Variants in CTSB observed in about 807,000 individuals in gnomAD.
CTSB encodes the protein APP secretase.
In CTSB, 57 loss-of-function variants were observed where a neutral mutation model predicts 44.3. The ratio of observed to expected loss-of-function variants is 1.29; its 90% CI spans 1.04 to 1.60. The LOEUF (loss-of-function observed/expected upper bound fraction) is 1.60. CTSB is among the 40% of genes most tolerant of loss of function. The probability of loss-of-function intolerance (pLI) is 0.00; values close to 1 mark genes in which losing one functional copy is unlikely to be tolerated. For missense variants in CTSB, 768 were observed against 443.0 expected (o/e 1.73, Z -6.59); for synonymous variants, 320 against 168.0 (o/e 1.91, Z -7.00).
intron 4 of CTSB, among the ~76,000 whole-genome samples, chr8:11,850,316 G>A (rs948007052): frequency 6.7e-6 from 1 of 149,168 alleles, no homozygotes; most frequent in Non-Finnish European, 1.5e-5. Context: ...CTACTGGGGA[G>A]ACTGAGGCAG....
intron 3 of CTSB, 134 bp from the exon 4 acceptor site, chr8:11,851,114 A>G: frequency 2.1e-6 from 1 of 472,180 alleles, no homozygotes; most frequent in Non-Finnish European, 4.0e-6. Flanking sequence ...AAGGCTGCAG[A>G]CAGGTGTCCT....
Position 11,845,772 on chromosome 8 carries a change from T to A in CTSB, c.811A>T (p.Thr271Ser). 1.2e-6 allele frequency: 2 copies of A among 1,613,808 alleles called. No individual in the cohort carries two copies. The highest frequency in any genetic ancestry group is 1.3e-5 in the African/African-American group (1 of 75,004). The change falls in exon 9 of 10, where the codon ACC (threonine) becomes TCC (serine). Residue 271 changes from threonine (T) to serine (S), a missense_variant. Coordinates refer to ENST00000353047, the MANE Select transcript of CTSB (RefSeq NM_001908.5). ...GCATGGCCACCCATCATCTCTCCGG[T>A]GACGTGTTGGTACACTCCTGAAAAG... Reference protein sequence around the residue: ...LYKSGVYQHVTGEMMGGHAIR... With the variant: ...LYKSGVYQHVSGEMMGGHAIR...
chr8:11,846,482 T>C (rs987794699), intron 8 of CTSB: 1 of 152,702 alleles, frequency 6.5e-6, no homozygotes, highest in African/African-American at 2.4e-5. Context: ...AGACTGTTCA[T>C]CTGGAGCAAG....
chr8:11,853,604 CT>C (rs34504234), intron 1 of CTSB, 125 bp from the exon 2 acceptor site: 246,328 of 945,694 alleles, frequency 0.26, 35,081 homozygotes, highest in Middle Eastern at 0.31. Context: ...GCGGAGAACT[CT>C]TAAGGAGCTG....
In CTSB at chr8:11,845,220, A is replaced by G; in HGVS notation, c.925T>C (p.Phe309Leu). 2 of 1,611,644 alleles carry G rather than the reference A, an allele frequency of 1.2e-6. No individual in the cohort carries two copies. Among genetic ancestry groups the G allele is most frequent in the Non-Finnish European group, 1.7e-6 (2 of 1,177,816 alleles). Residue 309 changes from phenylalanine (F) to leucine (L), a missense_variant and splice_region_variant, in exon 10 of 10, where the codon TTC becomes CTC. Coordinates refer to ENST00000353047, the MANE Select transcript of CTSB (RefSeq NM_001908.5). ...TCCTGTCCTCTGAGTATTTTAAAGA[A>G]GCCTGGGAATAAAAAGTAAGGTGCT... is the stretch of plus-strand genomic sequence containing the variant. ...SWNTDWGDNG[F>L]FKILRGQDHC...
At chr8:11,861,939 G>A (rs576344274) in intron 1 of CTSB, among the ~76,000 whole-genome samples, 1 of 152,220 alleles carries the variant, frequency 6.6e-6, no homozygotes, top group South Asian at 2.1e-4. Flanking sequence ...CGGGCATGCT[G>A]GCTCACGCCT....
intron 1 of CTSB, among the ~76,000 whole-genome samples, chr8:11,855,987 C>T (rs1425799396): frequency 6.6e-6 from 1 of 152,010 alleles, no homozygotes; most frequent in African/African-American, 2.4e-5. Context: ...AAGATTTCAC[C>T]ACTGCATTCC....
chr8:11,845,768 C>G lies in CTSB; in HGVS notation c.815G>C (p.Gly272Ala), dbSNP rs1219881669. ...YKSGVYQHVTGEMMGGHAIRI... is the reference protein window; with the variant it reads ...YKSGVYQHVTAEMMGGHAIRI... ...GATGGCATGGCCACCCATCATCTCTCCGGTGACGTGTTGGTACACTCCTGA... is the reference window on the plus strand; with the variant it reads ...GATGGCATGGCCACCCATCATCTCTGCGGTGACGTGTTGGTACACTCCTGA... Residue 272 changes from glycine to alanine, a missense_variant, in exon 9 of 10, where the codon GGA becomes GCA. Physicochemically the swap from Gly to Ala is moderately conservative, Grantham distance 60 (BLOSUM62 0). Coordinates refer to ENST00000353047, the MANE Select transcript of CTSB (RefSeq NM_001908.5). The G allele has an allele frequency of 6.2e-7, 1 of 1,613,986 alleles. No individual in the cohort carries two copies. Among genetic ancestry groups the G allele is most frequent in the South Asian group, 1.1e-5 (1 of 91,064 alleles).
chr8:11,845,799 G>A lies in CTSB; in HGVS notation c.794-10C>T, dbSNP rs942977935. On this transcript the variant is annotated splice_polypyrimidine_tract_variant and intron_variant, in intron 8 of 9. Coordinates refer to ENST00000353047, the MANE Select transcript of CTSB (RefSeq NM_001908.5). ...ACGTGTTGGTACACTCCTGAAAAGG[G>A]AAGAACTGGCTGAGACCGAGACCGG... The A allele has an allele frequency of 1.9e-6, 3 of 1,608,640 alleles. No homozygotes were observed. Among genetic ancestry groups the A allele is most frequent in the African/African-American group, 1.3e-5 (1 of 74,906 alleles).
At chr8:11,854,830 G>A (rs1339632129) in intron 1 of CTSB, 1 of 152,244 alleles carries the variant, frequency 6.6e-6, no homozygotes, top group Non-Finnish European at 1.5e-5. Context: ...CAGCACATGT[G>A]TCGTAAAATG....
chr8:11,863,870 C>G lies in CTSB; in HGVS notation c.-26+4131G>C, dbSNP rs139909685. Among the ~76,000 whole-genome samples, 13 of 152,252 alleles carry G rather than the reference C, an allele frequency of 8.5e-5. No individual in the cohort carries two copies. The East Asian group carries it at 2.5e-3, about 29-fold the overall frequency. Reference sequence around the variant, plus strand: ...ACACTGGAGAACCCTTTGCCAGCATCTAGCAAGATGGAAGATGAACACACC... The same window carrying G: ...ACACTGGAGAACCCTTTGCCAGCATGTAGCAAGATGGAAGATGAACACACC... On this transcript the variant is annotated intron_variant, in intron 1 of 9. Transcript: ENST00000353047.
chr8:11,864,022 T>G (rs891267892), intron 1 of CTSB, among the ~76,000 whole-genome samples: 1 of 152,100 alleles, frequency 6.6e-6, no homozygotes. Context: ...TGTCCCTCAG[T>G]AGATAAACAC....
chr8:11,845,002 A>C lies in CTSB; in HGVS notation c.*123T>G, dbSNP rs146507405. The C allele has an allele frequency of 2.9e-6, 2 of 682,626 alleles. No homozygotes were observed. The highest frequency in any genetic ancestry group is 3.6e-5 in the African/African-American group (2 of 56,310). 42.3% of individuals were successfully genotyped at this position (682,626 alleles called of 1,614,324 possible). A position where few individuals can be genotyped will look rare whatever the true frequency, so the allele number is the denominator to read the frequency against. On this transcript the variant is annotated 3_prime_UTR_variant, in exon 10 of 10. Transcript: ENST00000353047. ...TTGGTCTCCTTGGAAGACAGGTCTG[A>C]TGTTTGGCCAATCCAGTCCTTCAGA...
At chr8:11,845,623 A>T (rs991366992) in intron 9 of CTSB, 38 bp downstream of exon 9, 8 of 1,601,330 alleles carry the variant, frequency 5.0e-6, no homozygotes, top group Non-Finnish European at 6.0e-6. Context: ...TGTGGCTCAC[A>T]ATTCACTGTT....
At chr8:11,853,253 G>A (rs1177451981) in intron 2 of CTSB, 76 bp downstream of exon 2, 8 of 1,566,146 alleles carry the variant, frequency 5.1e-6, no homozygotes, top group Non-Finnish European at 7.0e-6. Flanking sequence ...GTGAGGGCTG[G>A]CTTCCCATTC....
intron 6 of CTSB, 22 bp downstream of exon 6, chr8:11,848,045 G>A (rs1405199580): frequency 6.4e-7 from 1 of 1,571,570 alleles, no homozygotes; most frequent in Non-Finnish European, 8.7e-7. Context: ...TGGCCAGAAA[G>A]TGGCCAAGGG....
At position 11,864,930 on chromosome 8, in the gene CTSB, A is replaced by G. The variant is rs551382696; in HGVS notation, c.-26+3071T>C. ...TGTCTCAAAAAAAAAAAGAAAGAAA[A>G]AAATGTCTAAACACAGAGTGGAATT... On this transcript the variant is annotated intron_variant, in intron 1 of 9. Coordinates refer to ENST00000353047, the MANE Select transcript of CTSB (RefSeq NM_001908.5). 2.6e-5 allele frequency among the ~76,000 whole-genome samples: 4 copies of G among 152,168 alleles called. No homozygotes were observed. In the South Asian group the frequency reaches 8.3e-4, roughly 32 times the overall value.
chr8:11,852,529 G>T, intron 3 of CTSB, 81 bp downstream of exon 3: 3 of 1,111,010 alleles, frequency 2.7e-6, no homozygotes, highest in East Asian at 4.9e-5. Flanking sequence ...CGCCAGAGAG[G>T]CCTTCACTCT....
intron 7 of CTSB, 48 bp downstream of exon 7, chr8:11,847,631 A>G (rs1000471396): frequency 6.7e-7 from 1 of 1,494,230 alleles, no homozygotes; most frequent in East Asian, 2.4e-5. Flanking sequence ...GGGATGCAGC[A>G]GCTCCCCAGC....
Sources: gnomAD v4.1 joint callset for allele counts (sites outside exome capture counted in the v4.1 genomes callset) on GRCh38, gnomAD v4.1.1 for gene constraint, MANE v1.5 for transcripts, NCBI Gene and HGNC (gene_info 2026-07-23, HGNC 2026-07-21) for gene names.